The following RARS2 variants were observed in gnomAD, a reference collection of about 807,000 sequenced individuals.
RARS2 encodes the protein probable arginine--tRNA ligase, mitochondrial.
Under a neutral mutation model 88.5 loss-of-function variants are expected in RARS2, and 67 were observed. The observed-to-expected ratio is 0.76, with a 90% CI of 0.62 to 0.93. The LOEUF is 0.93. RARS2 is among the 40% of genes least tolerant of loss of function. RARS2 has a pLI of 0.00. For synonymous variants in RARS2, 239 were observed against 230.3 expected (o/e 1.04, Z -0.34); for missense variants, 664 against 684.2 (o/e 0.97, Z 0.33).
chr6:87,529,505 C>A (rs146607200), intron 10 of RARS2, 37 bp downstream of exon 10: 3 of 1,285,806 alleles, frequency 2.3e-6, no homozygotes, highest in Non-Finnish European at 3.4e-6. Flanking sequence ...TTTCAAAGAA[C>A]AAATAATTTT....
chr6:87,565,028 A>G (rs751218070), intron 2 of RARS2, among the ~76,000 whole-genome samples: 16 of 152,208 alleles, frequency 1.1e-4, no homozygotes, highest in African/African-American at 9.6e-5. Context: ...ACTGCACTCC[A>G]GTCTGGGTGA....
chr6:87,553,974 T>G (rs1212126928), intron 5 of RARS2, among the ~76,000 whole-genome samples: 1 of 152,156 alleles, frequency 6.6e-6, no homozygotes, highest in Non-Finnish European at 1.5e-5. Context: ...ACGGTACACA[T>G]GCATAAAACC....
In RARS2 at chr6:87,524,580, ATCACT is replaced by A; in HGVS notation, c.946_950del (p.Ser316TrpfsTer21). On this transcript the variant is annotated frameshift_variant, in exon 11 of 20. Transcript: ENST00000369536. LOFTEE classifies it high-confidence loss of function. ...ACCTGGTTGCATAGAGAGAAGTCCC[ATCACT>A]TCGCATTACAGTACAAATTGAGGAG... 1.9e-6 allele frequency: 3 copies of A among 1,612,634 alleles called. No homozygotes were observed. Among genetic ancestry groups the A allele is most frequent in the Non-Finnish European group, 2.5e-6 (3 of 1,178,698 alleles).
intron 1 of RARS2, among the ~76,000 whole-genome samples, chr6:87,585,249 G>T (rs1774782967): frequency 6.6e-6 from 1 of 152,098 alleles, no homozygotes; most frequent in Admixed American, 6.5e-5. Flanking sequence ...TTATGTTTCG[G>T]GCACTTTGCT....
In RARS2 at chr6:87,572,679, C is replaced by A. The variant is rs575844874; in HGVS notation, c.37-3089G>T. On this transcript the variant is annotated intron_variant, in intron 1 of 19. Coordinates refer to ENST00000369536, the MANE Select transcript of RARS2 (RefSeq NM_020320.5). ...TCCTGGTCTCAAATGGTCCTCCCACCTCAGCTTCCTGAGTAGCTGGGACTC... is the reference window on the plus strand; with the variant it reads ...TCCTGGTCTCAAATGGTCCTCCCACATCAGCTTCCTGAGTAGCTGGGACTC... 2.0e-5 allele frequency among the ~76,000 whole-genome samples: 3 copies of A among 152,286 alleles called. No homozygotes were observed. The South Asian group carries it at 6.2e-4, about 32-fold the overall frequency.
At chr6:87,562,263 GTATGCTACAGCCTA>G (rs1788069489) in intron 4 of RARS2, among the ~76,000 whole-genome samples, 1 of 152,178 alleles carries the variant, frequency 6.6e-6, no homozygotes, top group Non-Finnish European at 1.5e-5. Flanking sequence ...CGCCTAGGCT[GTATGCTACAGCCTA>G]TTGCTCCTAG....
At chr6:87,585,890 T>G (rs1775010153) in intron 1 of RARS2, among the ~76,000 whole-genome samples, 1 of 152,158 alleles carries the variant, frequency 6.6e-6, no homozygotes, top group African/African-American at 2.4e-5. Flanking sequence ...TAAAATGCAT[T>G]TCTTTTAGGC....
chr6:87,520,017 G>A (rs892636388), intron 13 of RARS2, among the ~76,000 whole-genome samples, 163 bp downstream of exon 13: 63 of 152,040 alleles, frequency 4.1e-4, no homozygotes, highest in African/African-American at 1.4e-3. Flanking sequence ...TTTATAAGGT[G>A]GAAATTATTA....
rs182886519 is a variant in RARS2, at chr6:87,552,890, T to C, written c.395+2518A>G. ...TACCTCCCTGCTGATTTTCCTTTAT[T>C]TGCCAGTTAGGTAATTGAAAGGGGT... is the stretch of plus-strand genomic sequence containing the variant. On this transcript the variant is annotated intron_variant, in intron 5 of 19. Transcript: ENST00000369536. Among the ~76,000 whole-genome samples the C allele has an allele frequency of 2.5e-3, 376 of 152,292 alleles. 1 individual carries two copies. Among genetic ancestry groups the C allele is most frequent in the Middle Eastern group, 0.024 (7 of 294 alleles).
rs889544370 is a variant in RARS2, at chr6:87,589,191, A to C, written c.36+731T>G. Among the ~76,000 whole-genome samples the C allele has an allele frequency of 3.3e-5, 5 of 152,184 alleles. No homozygotes were observed. The South Asian group carries it at 1.0e-3, about 31-fold the overall frequency. On this transcript the variant is annotated intron_variant, in intron 1 of 19. Coordinates refer to ENST00000369536, the MANE Select transcript of RARS2 (RefSeq NM_020320.5). ...GCAAGGGTGGCCAATGAGTCTTAAA[A>C]ATTCTTTTTGATTAATTCCACATTT... is the stretch of plus-strand genomic sequence containing the variant.
chr6:87,534,221 T>G (rs1264469697), intron 8 of RARS2, among the ~76,000 whole-genome samples: 2 of 152,210 alleles, frequency 1.3e-5, no homozygotes, highest in African/African-American at 4.8e-5. Context: ...AAACAGTTAA[T>G]AATAAAGCCA....
In RARS2 at chr6:87,536,307, G is replaced by A. The variant is rs1186216955; in HGVS notation, c.613-5365C>T. ...TAAATGATGACACCCTCATATCCATGATTCAGATTTAACACTTGTTAACTT... is the reference window on the plus strand; with the variant it reads ...TAAATGATGACACCCTCATATCCATAATTCAGATTTAACACTTGTTAACTT... On this transcript the variant is annotated intron_variant, in intron 8 of 19. Coordinates refer to ENST00000369536, the MANE Select transcript of RARS2 (RefSeq NM_020320.5). 2.0e-5 allele frequency among the ~76,000 whole-genome samples: 3 copies of A among 152,076 alleles called. No individual in the cohort carries two copies. In the East Asian group the frequency reaches 5.8e-4, roughly 29 times the overall value.
intron 1 of RARS2, among the ~76,000 whole-genome samples, chr6:87,576,428 T>C (rs1007919272): frequency 1.8e-5 from 2 of 110,686 alleles, no homozygotes; most frequent in African/African-American, 6.8e-5. Flanking sequence ...AGGCGCCCGC[T>C]ACCACGCCCG....
At chr6:87,544,064 A>G (rs117742962) in intron 7 of RARS2, among the ~76,000 whole-genome samples, 1,590 of 152,372 alleles carry the variant, frequency 0.01, 46 homozygotes, top group East Asian at 0.059. Flanking sequence ...ATGCTGACAG[A>G]TCATTAACCA....
intron 8 of RARS2, among the ~76,000 whole-genome samples, chr6:87,537,625 T>C (rs1779596860): frequency 6.6e-6 from 1 of 152,088 alleles, no homozygotes; most frequent in Admixed American, 6.6e-5. Flanking sequence ...GGGTTGTGGA[T>C]AAGGAAGGTA....
rs141393010 is a variant in RARS2, at chr6:87,532,302, G to A, written c.613-1360C>T. On this transcript the variant is annotated intron_variant, in intron 8 of 19. Transcript: ENST00000369536. ...CTGCTTGCAAGGTTGGCCACTGGCT[G>A]GCATCTATTAACTTAGATTTTTGGG... Among the ~76,000 whole-genome samples, 397 of 152,244 alleles carry A rather than the reference G, an allele frequency of 2.6e-3. 2 individuals are homozygous for A. The highest frequency in any genetic ancestry group is 3.6e-3 in the Non-Finnish European group (245 of 68,008).
At chr6:87,559,075 A>T (rs913835920) in intron 4 of RARS2, among the ~76,000 whole-genome samples, 2 of 152,218 alleles carry the variant, frequency 1.3e-5, no homozygotes, top group African/African-American at 4.8e-5. Flanking sequence ...TCTAAAAAGT[A>T]AATTAAAAAA....
chr6:87,515,585 T>C (rs980287700), intron 18 of RARS2, among the ~76,000 whole-genome samples: 2 of 152,086 alleles, frequency 1.3e-5, no homozygotes, highest in African/African-American at 2.4e-5. Context: ...TTTCTAATCA[T>C]TTTTCCTCAT....
intron 8 of RARS2, among the ~76,000 whole-genome samples, chr6:87,531,667 C>CA (rs1777574362): frequency 6.6e-6 from 1 of 152,152 alleles, no homozygotes; most frequent in South Asian, 2.1e-4. Context: ...CATACTCAGC[C>CA]AAGAACTAGG....
Sources: gnomAD v4.1 joint callset for allele counts (sites outside exome capture counted in the v4.1 genomes callset) on GRCh38, gnomAD v4.1.1 for gene constraint, MANE v1.5 for transcripts, NCBI Gene and HGNC (gene_info 2026-07-23, HGNC 2026-07-21) for gene names.